The following SMURF2 variants were observed in gnomAD, a reference collection of about 807,000 sequenced individuals.
SMURF2 encodes the protein E3 ubiquitin-protein ligase SMURF2.
A neutral mutation model predicts 109.6 loss-of-function variants in SMURF2; 48 were observed. The observed-to-expected ratio is 0.44, with a 90% confidence interval of 0.35 to 0.56. SMURF2 has a LOEUF of 0.56. Among genes scored for constraint, SMURF2 ranks in the 20% least tolerant of loss-of-function variants. SMURF2 has a pLI of 0.01. For missense variants in SMURF2, 575 were observed against 909.0 expected (o/e 0.63, Z 4.72); for synonymous variants, 288 against 317.1 (o/e 0.91, Z 0.97).
At chr17:64,623,936 A>G (rs907151318) in intron 1 of SMURF2, among the ~76,000 whole-genome samples, 5 of 152,236 alleles carry the variant, frequency 3.3e-5, no homozygotes, top group Non-Finnish European at 5.9e-5. Flanking sequence ...GTCTATACAT[A>G]TTTGATAATG....
chr17:64,605,925 G>GT lies in SMURF2; in HGVS notation c.91+676dup, dbSNP rs200749089. On this transcript the variant is annotated intron_variant, in intron 2 of 18. Coordinates refer to ENST00000262435, the MANE Select transcript of SMURF2 (RefSeq NM_022739.4). ...TACATAAAAAATTTTGTTGGCTGAA[G>GT]TTTTTTTTTTTCACTAAAAATTATA... Among the ~76,000 whole-genome samples, 289 of 142,914 alleles carry GT rather than the reference G, an allele frequency of 2.0e-3. 1 individual carries two copies. The highest frequency in any genetic ancestry group is 2.5e-3 in the Admixed American group (36 of 14,224). 93.8% of individuals were successfully genotyped at this position (142,914 alleles called of 152,430 possible).
intron 5 of SMURF2, among the ~76,000 whole-genome samples, chr17:64,587,525 A>G (rs1392477237): frequency 6.6e-6 from 1 of 152,208 alleles, no homozygotes; most frequent in Non-Finnish European, 1.5e-5. Context: ...CTCCCAAAAG[A>G]CAGAAGGAGG....
At chr17:64,580,729 C>T in intron 8 of SMURF2, 60 bp downstream of exon 8, 2 of 1,500,166 alleles carry the variant, frequency 1.3e-6, no homozygotes, top group South Asian at 2.3e-5. Context: ...TATTTTCTGA[C>T]TTCCTCAGCA....
rs370595748 is a variant in SMURF2, at chr17:64,627,919, G to T, written c.53-21279C>A. On this transcript the variant is annotated intron_variant, in intron 1 of 18. Coordinates refer to ENST00000262435, the MANE Select transcript of SMURF2 (RefSeq NM_022739.4). ...CCCTGACAGCGCGCTTAGACTTTGTGCTGGATTAGGCTTCCTGCTTGGCAA... is the reference window on the plus strand; with the variant it reads ...CCCTGACAGCGCGCTTAGACTTTGTTCTGGATTAGGCTTCCTGCTTGGCAA... Among the ~76,000 whole-genome samples the T allele has an allele frequency of 8.0e-4, 122 of 152,310 alleles. 3 individuals are homozygous for T. In the South Asian group the frequency reaches 0.025, roughly 31 times the overall value.
At chr17:64,639,118 G>A (rs1970459885) in intron 1 of SMURF2, among the ~76,000 whole-genome samples, 1 of 152,154 alleles carries the variant, frequency 6.6e-6, no homozygotes, top group Non-Finnish European at 1.5e-5. Flanking sequence ...TGATCTGGAT[G>A]CTAGTTATAT....
chr17:64,631,028 T>C (rs1970332036), intron 1 of SMURF2, among the ~76,000 whole-genome samples: 1 of 151,668 alleles, frequency 6.6e-6, no homozygotes, highest in African/African-American at 2.4e-5. Flanking sequence ...GAAGGTCATG[T>C]GTAGTGGCTC....
chr17:64,644,190 A>G (rs1555692816), intron 1 of SMURF2, among the ~76,000 whole-genome samples: 3 of 151,956 alleles, frequency 2.0e-5, no homozygotes, highest in African/African-American at 7.2e-5. Flanking sequence ...GTTTTTGTAG[A>G]GACGGAGTTT....
At chr17:64,661,643 C>G (rs1255540038) in intron 1 of SMURF2, among the ~76,000 whole-genome samples, 186 bp downstream of exon 1, 1 of 152,102 alleles carries the variant, frequency 6.6e-6, no homozygotes, top group African/African-American at 2.4e-5. Context: ...TCATCCTCGG[C>G]TTTTTAAACA....
chr17:64,640,488 T>G (rs782125436), intron 1 of SMURF2, among the ~76,000 whole-genome samples: 4 of 152,106 alleles, frequency 2.6e-5, no homozygotes, highest in Non-Finnish European at 5.9e-5. Flanking sequence ...AGGTCTTGGA[T>G]AAATAGTGTC....
At chr17:64,642,092 C>A (rs1253032288) in intron 1 of SMURF2, among the ~76,000 whole-genome samples, 1 of 152,216 alleles carries the variant, frequency 6.6e-6, no homozygotes, top group Non-Finnish European at 1.5e-5. Context: ...CAGGCGTGAG[C>A]CATCACGCCC....
chr17:64,653,218 C>A (rs1159484602), intron 1 of SMURF2, among the ~76,000 whole-genome samples: 13 of 151,938 alleles, frequency 8.6e-5, no homozygotes, highest in Non-Finnish European at 1.6e-4. Context: ...AGAAAACAAT[C>A]CAATTTTAAA....
chr17:64,566,561 G>GTTTTTTTTTTTTTGTTTTTT (rs1969306919), intron 10 of SMURF2, among the ~76,000 whole-genome samples: 23 of 43,806 alleles, frequency 5.3e-4, no homozygotes, highest in African/African-American at 1.6e-3. Flanking sequence ...AAGCTTTCTG[G>GTTTTTTTTTTTTTGTTTTTT]TTTTTTTTTT....
chr17:64,652,077 AC>A (rs1362231113), intron 1 of SMURF2, among the ~76,000 whole-genome samples: 1 of 152,098 alleles, frequency 6.6e-6, no homozygotes, highest in Non-Finnish European at 1.5e-5. Flanking sequence ...ACAGACACTT[AC>A]GTTAAGTCAT....
At chr17:64,607,277 G>A (rs1969983262) in intron 1 of SMURF2, among the ~76,000 whole-genome samples, 1 of 151,890 alleles carries the variant, frequency 6.6e-6, no homozygotes, top group Non-Finnish European at 1.5e-5. Context: ...TTACTTACAC[G>A]GATGGATGCT....
chr17:64,652,724 G>A (rs1277013857), intron 1 of SMURF2, among the ~76,000 whole-genome samples: 1 of 152,110 alleles, frequency 6.6e-6, no homozygotes, highest in African/African-American at 2.4e-5. Flanking sequence ...GACCTCATGT[G>A]AGCCTCCTGC....
At chr17:64,551,844 C>T (rs1969050594) in intron 15 of SMURF2, 140 bp from the exon 16 acceptor site, 8 of 1,072,888 alleles carry the variant, frequency 7.5e-6, no homozygotes, top group Non-Finnish European at 1.1e-5. Flanking sequence ...AACAATAAAT[C>T]TCAGACTAAT....
chr17:64,643,614 C>A lies in SMURF2; in HGVS notation c.52+18215G>T, dbSNP rs1970519350. Reference sequence around the variant, plus strand: ...TGCTGGGCCAAATATGGTGCAACTTCCTATCATTGCTAGTCCCTAGGTGCT... The same window carrying A: ...TGCTGGGCCAAATATGGTGCAACTTACTATCATTGCTAGTCCCTAGGTGCT... On this transcript the variant is annotated intron_variant, in intron 1 of 18. Transcript: ENST00000262435. 2.6e-5 allele frequency among the ~76,000 whole-genome samples: 4 copies of A among 152,206 alleles called. No individual in the cohort carries two copies. In the South Asian group the frequency reaches 8.3e-4, roughly 32 times the overall value.
At chr17:64,561,434 C>T in intron 12 of SMURF2, 66 bp downstream of exon 12, 1 of 1,051,424 alleles carries the variant, frequency 9.5e-7, no homozygotes, top group East Asian at 2.4e-5. Context: ...AGTTACACCA[C>T]AGGAAGTAGC....
chr17:64,582,956 G>A (rs1176633434), intron 7 of SMURF2, among the ~76,000 whole-genome samples: 2 of 148,642 alleles, frequency 1.3e-5, no homozygotes, highest in African/African-American at 5.0e-5. Context: ...TAGAGTGCAC[G>A]GGCACGATCT....
Sources: gnomAD v4.1 joint callset for allele counts (sites outside exome capture counted in the v4.1 genomes callset) on GRCh38, gnomAD v4.1.1 for gene constraint, MANE v1.5 for transcripts, NCBI Gene and HGNC (gene_info 2026-07-23, HGNC 2026-07-21) for gene names.